Variants in SEMA3E observed in about 807,000 individuals in gnomAD.
SEMA3E encodes semaphorin-3E.
Under a neutral mutation model 93.6 loss-of-function variants are expected in SEMA3E, and 49 were observed. That is an observed-to-expected ratio of 0.52 (90% confidence interval 0.42 to 0.66). The LOEUF (loss-of-function observed/expected upper bound fraction) is 0.66, where lower values mean the gene tolerates loss of function less well. SEMA3E is among the 30% of genes least tolerant of loss of function. The pLI is 0.00. For missense variants in SEMA3E, 906 were observed against 964.8 expected, an observed-to-expected ratio of 0.94 and a Z score of 0.81; for synonymous variants, 363 against 330.7, an observed-to-expected ratio of 1.10 and a Z score of -1.06.
intron 1 of SEMA3E, among the ~76,000 whole-genome samples, chr7:83,533,339 C>A (rs537801323): frequency 6.6e-6 from 1 of 151,962 alleles, no homozygotes; most frequent in African/African-American, 2.4e-5. Flanking sequence ...GTTAGGAGTA[C>A]GAGACCAGTC....
intron 1 of SEMA3E, among the ~76,000 whole-genome samples, chr7:83,592,324 T>C (rs1453254348): frequency 6.6e-6 from 1 of 152,058 alleles, no homozygotes. Flanking sequence ...TGCTAATAGG[T>C]ATGTTGGTGG....
chr7:83,513,181 C>T (rs1790858787), intron 1 of SEMA3E, among the ~76,000 whole-genome samples: 1 of 152,048 alleles, frequency 6.6e-6, no homozygotes, highest in Non-Finnish European at 1.5e-5. Flanking sequence ...TGTGTCTTCC[C>T]AAGTAATAGG....
intron 1 of SEMA3E, among the ~76,000 whole-genome samples, chr7:83,505,232 A>G (rs77734638): frequency 1.3e-5 from 2 of 152,178 alleles, no homozygotes; most frequent in Non-Finnish European, 2.9e-5. Context: ...TTTCAGCCTC[A>G]ATCATCCAAA....
intron 16 of SEMA3E, among the ~76,000 whole-genome samples, chr7:83,373,550 T>C (rs968377527): frequency 1.3e-5 from 2 of 152,132 alleles, no homozygotes; most frequent in Non-Finnish European, 2.9e-5. Flanking sequence ...ACAGGATGAA[T>C]TGTTTAAAAG....
At chr7:83,567,803 TACA>T (rs1214460251) in intron 1 of SEMA3E, among the ~76,000 whole-genome samples, 2 of 151,756 alleles carry the variant, frequency 1.3e-5, no homozygotes, top group South Asian at 2.1e-4. Flanking sequence ...ATCAAAAAAG[TACA>T]ACGATTTTGA....
intron 1 of SEMA3E, among the ~76,000 whole-genome samples, chr7:83,624,786 T>C (rs1166751277): frequency 6.6e-6 from 1 of 152,210 alleles, no homozygotes; most frequent in Non-Finnish European, 1.5e-5. Context: ...GATTTAGTCA[T>C]GAAGTCTTTG....
At chr7:83,562,778 G>C (rs117214765) in intron 1 of SEMA3E, among the ~76,000 whole-genome samples, 2 of 152,118 alleles carry the variant, frequency 1.3e-5, no homozygotes, top group East Asian at 3.9e-4. Flanking sequence ...TTAGTAGCGC[G>C]AAGAAGAATC....
At chr7:83,604,053 G>A (rs1439856581) in intron 1 of SEMA3E, among the ~76,000 whole-genome samples, 1 of 152,054 alleles carries the variant, frequency 6.6e-6, no homozygotes, top group Non-Finnish European at 1.5e-5. Context: ...CTAATTGCAT[G>A]GTTCTCTTAA....
intron 1 of SEMA3E, among the ~76,000 whole-genome samples, chr7:83,550,599 G>T (rs1221715677): frequency 6.6e-6 from 1 of 152,056 alleles, no homozygotes; most frequent in African/African-American, 2.4e-5. Context: ...GAAAACACAT[G>T]CCATTTAAAG....
intron 5 of SEMA3E, among the ~76,000 whole-genome samples, chr7:83,411,805 T>C (rs1405972716): frequency 6.6e-6 from 1 of 152,098 alleles, no homozygotes; most frequent in Non-Finnish European, 1.5e-5. Context: ...TAGGAAAACA[T>C]TTTATAAAAA....
intron 4 of SEMA3E, among the ~76,000 whole-genome samples, chr7:83,432,556 T>C (rs1442806817): frequency 6.6e-6 from 1 of 152,186 alleles, no homozygotes; most frequent in East Asian, 1.9e-4. Flanking sequence ...AAACAATGCA[T>C]TGTCATTTTA....
chr7:83,454,304 G>GTA (rs1334459392), intron 4 of SEMA3E, among the ~76,000 whole-genome samples: 2 of 132,800 alleles, frequency 1.5e-5, no homozygotes, highest in African/African-American at 2.8e-5. Flanking sequence ...TATAATGTGT[G>GTA]TATATATATT....
intron 1 of SEMA3E, among the ~76,000 whole-genome samples, chr7:83,544,427 G>A (rs1190448116): frequency 6.6e-6 from 1 of 152,026 alleles, no homozygotes; most frequent in East Asian, 1.9e-4. Flanking sequence ...CATATGATTT[G>A]TAGAAGCCTA....
intron 1 of SEMA3E, among the ~76,000 whole-genome samples, chr7:83,603,892 C>A (rs1793049655): frequency 6.6e-6 from 1 of 152,110 alleles, no homozygotes; most frequent in South Asian, 2.1e-4. Context: ...GGCTACTCCC[C>A]TTACATGCGT....
At chr7:83,487,387 A>G (rs1483713627) in intron 2 of SEMA3E, among the ~76,000 whole-genome samples, 2 of 152,136 alleles carry the variant, frequency 1.3e-5, no homozygotes, top group African/African-American at 2.4e-5. Context: ...TAATTCTTCA[A>G]TGAAAAGGTT....
intron 14 of SEMA3E, among the ~76,000 whole-genome samples, chr7:83,387,431 C>A (rs1166632220): frequency 2.0e-5 from 3 of 151,882 alleles, no homozygotes; most frequent in Non-Finnish European, 4.4e-5. Context: ...TTATTGAGTA[C>A]AAAACAGTTA....
chr7:83,521,200 T>C (rs1394923954), intron 1 of SEMA3E, among the ~76,000 whole-genome samples: 1 of 152,084 alleles, frequency 6.6e-6, no homozygotes, highest in Non-Finnish European at 1.5e-5. Context: ...TCACAGTCTT[T>C]CCTGCAGTGT....
chr7:83,452,131 ATGTGTGTGTGTGTGTGTC>A (rs1321109142), intron 4 of SEMA3E, among the ~76,000 whole-genome samples: 1 of 151,308 alleles, frequency 6.6e-6, no homozygotes, highest in Non-Finnish European at 1.5e-5. Flanking sequence ...ATGTGTATGT[ATGTGTGTGTGTGTGTGTC>A]TGTGTGTGTG....
intron 1 of SEMA3E, among the ~76,000 whole-genome samples, chr7:83,559,039 G>T (rs958623668): frequency 6.6e-6 from 1 of 151,970 alleles, no homozygotes; most frequent in African/African-American, 2.4e-5. Flanking sequence ...AACCATTTTG[G>T]TGTTGTGTTA....
Sources: gnomAD v4.1 joint callset for allele counts (sites outside exome capture counted in the v4.1 genomes callset) on GRCh38, gnomAD v4.1.1 for gene constraint, MANE v1.5 for transcripts, NCBI Gene and HGNC (gene_info 2026-07-23, HGNC 2026-07-21) for gene names.